ADGRL3: variants seen among roughly 807,000 people sequenced by gnomAD.
The protein encoded by ADGRL3 is calcium-independent alpha-latrotoxin receptor 3.
In ADGRL3, 62 loss-of-function variants were observed where a neutral mutation model predicts 153.5. That is an observed-to-expected ratio of 0.40 (90% confidence interval 0.33 to 0.50). The LOEUF (loss-of-function observed/expected upper bound fraction) is 0.50. Ranked by LOEUF, ADGRL3 falls within the 20% of genes least tolerant of loss-of-function variation. The pLI is 0.47. For synonymous variants in ADGRL3, 710 were observed against 672.5 expected (o/e 1.06, Z -0.86); for missense variants, 1,641 against 1,859.4 (o/e 0.88, Z 2.16).
intron 1 of ADGRL3, among the ~76,000 whole-genome samples, chr4:61,293,414 G>A (rs1303152752): frequency 6.6e-6 from 1 of 152,058 alleles, no homozygotes; most frequent in African/African-American, 2.4e-5. Context: ...AAAAGCAGTT[G>A]CTCACAATTC....
chr4:62,069,313 T>A (rs1418908202), intron 26 of ADGRL3, among the ~76,000 whole-genome samples: 3 of 152,104 alleles, frequency 2.0e-5, no homozygotes. Flanking sequence ...ACCTGTGTCT[T>A]TACACATTCT....
chr4:61,402,266 T>C (rs2096938388), intron 2 of ADGRL3, among the ~76,000 whole-genome samples: 1 of 152,146 alleles, frequency 6.6e-6, no homozygotes, highest in Admixed American at 6.6e-5. Context: ...GTTGTTTGTT[T>C]ATTTATTTTG....
At chr4:61,344,042 T>C (rs1413954069) in intron 1 of ADGRL3, among the ~76,000 whole-genome samples, 1 of 152,200 alleles carries the variant, frequency 6.6e-6, no homozygotes, top group African/African-American at 2.4e-5. Flanking sequence ...ACAAGTAAAA[T>C]AATGAAATAG....
intron 2 of ADGRL3, among the ~76,000 whole-genome samples, chr4:61,496,031 A>C (rs2098312157): frequency 1.3e-5 from 2 of 152,196 alleles, no homozygotes; most frequent in African/African-American, 4.8e-5. Context: ...ATTGTTATTT[A>C]GATAATACTT....
chr4:61,738,559 T>C (rs1299685689), intron 8 of ADGRL3, among the ~76,000 whole-genome samples: 1 of 152,116 alleles, frequency 6.6e-6, no homozygotes, highest in African/African-American at 2.4e-5. Flanking sequence ...AAGTCTGAAA[T>C]GGTAACCTTG....
At chr4:62,022,291 G>A (rs2099241718) in intron 21 of ADGRL3, among the ~76,000 whole-genome samples, 1 of 152,166 alleles carries the variant, frequency 6.6e-6, no homozygotes, top group African/African-American at 2.4e-5. Context: ...AGGTGAGAAA[G>A]CTGTAGAAGA....
At chr4:61,478,223 C>T (rs1354055339) in intron 2 of ADGRL3, among the ~76,000 whole-genome samples, 1 of 152,006 alleles carries the variant, frequency 6.6e-6, no homozygotes, top group Non-Finnish European at 1.5e-5. Context: ...CACTTGTTTT[C>T]TAATAATTTT....
intron 13 of ADGRL3, among the ~76,000 whole-genome samples, chr4:61,921,556 C>T (rs955022994): frequency 5.3e-5 from 8 of 152,158 alleles, no homozygotes; most frequent in African/African-American, 1.7e-4. Context: ...TACAGGCATG[C>T]GCCACCATGC....
intron 24 of ADGRL3, among the ~76,000 whole-genome samples, chr4:62,043,136 A>G (rs953347111): frequency 1.3e-5 from 2 of 152,046 alleles, no homozygotes; most frequent in African/African-American, 4.8e-5. Context: ...TATTTCAGCT[A>G]TAATATTTAA....
intron 6 of ADGRL3, among the ~76,000 whole-genome samples, chr4:61,682,610 A>G (rs911795680): frequency 7.3e-6 from 1 of 137,618 alleles, no homozygotes; most frequent in African/African-American, 2.7e-5. Flanking sequence ...TATGTTTCCC[A>G]GGCTGGTCTC....
rs967959807 is a variant in ADGRL3, at chr4:61,200,970, A to G, written c.-1035A>G. Among the ~76,000 whole-genome samples, 2 of 151,722 alleles carry G rather than the reference A, an allele frequency of 1.3e-5. No individual in the cohort carries two copies. The highest frequency in any genetic ancestry group is 4.8e-5 in the African/African-American group (2 of 41,382). ...GCGCGCCCCCTCCGTGCACCGGGGA[A>G]GGAGTTTGTGTGGCTCTCGCTCCGG... On this transcript the variant is annotated 5_prime_UTR_variant, in exon 1 of 27. Coordinates refer to ENST00000683033, the MANE Select transcript of ADGRL3 (RefSeq NM_001387552.1).
intron 6 of ADGRL3, among the ~76,000 whole-genome samples, chr4:61,695,082 T>G (rs191643727): frequency 6.6e-6 from 1 of 152,306 alleles, no homozygotes; most frequent in African/African-American, 2.4e-5. Context: ...CCCTTCAAAT[T>G]CATCCTCAAG....
chr4:61,806,453 A>T (rs1324146489), intron 8 of ADGRL3, among the ~76,000 whole-genome samples: 2 of 151,786 alleles, frequency 1.3e-5, no homozygotes, highest in African/African-American at 4.8e-5. Flanking sequence ...TGCTAATATA[A>T]ATAGCAAGTA....
intron 2 of ADGRL3, among the ~76,000 whole-genome samples, chr4:61,458,858 C>T (rs1039818538): frequency 1.3e-5 from 2 of 151,286 alleles, no homozygotes; most frequent in Non-Finnish European, 3.0e-5. Context: ...CTGCATGATA[C>T]TAGGATCTCA....
At chr4:61,859,121 CCTT>C (rs2098313181) in intron 9 of ADGRL3, among the ~76,000 whole-genome samples, 1 of 152,070 alleles carries the variant, frequency 6.6e-6, no homozygotes, top group Non-Finnish European at 1.5e-5. Flanking sequence ...CTCATCCCAG[CCTT>C]CTTTGTATTT....
At chr4:61,676,474 G>A (rs1020789407) in intron 5 of ADGRL3, among the ~76,000 whole-genome samples, 5 of 146,332 alleles carry the variant, frequency 3.4e-5, no homozygotes, top group Non-Finnish European at 7.5e-5. Context: ...TTTTTTTTTT[G>A]TACTGGAGTG....
Position 61,564,273 on chromosome 4 carries a change from T to C in ADGRL3, c.260-22954T>C, listed in dbSNP as rs1358858754. 2.0e-5 allele frequency among the ~76,000 whole-genome samples: 3 copies of C among 151,994 alleles called. No individual in the cohort carries two copies. In the East Asian group the frequency reaches 5.8e-4, roughly 29 times the overall value. On this transcript the variant is annotated intron_variant, in intron 4 of 26. Coordinates refer to ENST00000683033, the MANE Select transcript of ADGRL3 (RefSeq NM_001387552.1). The stretch of plus-strand genomic sequence containing the variant: ...TGTTTTTTTGTTTGTTTTTGTTGGT[T>C]GGTTGGTTTGTTTGTTTTTGAGACA...
At chr4:61,659,087 C>T (rs2094520839) in intron 5 of ADGRL3, among the ~76,000 whole-genome samples, 1 of 152,132 alleles carries the variant, frequency 6.6e-6, no homozygotes, top group South Asian at 2.1e-4. Flanking sequence ...TTTCCAATCT[C>T]TGCCTCTATT....
intron 9 of ADGRL3, among the ~76,000 whole-genome samples, chr4:61,831,699 G>A (rs2097871578): frequency 6.6e-6 from 1 of 152,012 alleles, no homozygotes; most frequent in Non-Finnish European, 1.5e-5. Context: ...CAGGTTATGG[G>A]GGAAGATACT....
Sources: gnomAD v4.1 joint callset for allele counts (sites outside exome capture counted in the v4.1 genomes callset) on GRCh38, gnomAD v4.1.1 for gene constraint, MANE v1.5 for transcripts, NCBI Gene and HGNC (gene_info 2026-07-23, HGNC 2026-07-21) for gene names.